DNAJC15: variants seen among roughly 807,000 people sequenced by gnomAD.
The protein encoded by DNAJC15 is dnaJ homolog subfamily C member 15.
In DNAJC15, 27 loss-of-function variants were observed where a neutral mutation model predicts 22.4. That is an observed-to-expected ratio of 1.20 (90% confidence interval 0.89 to 1.66). The LOEUF (loss-of-function observed/expected upper bound fraction) is 1.66, where lower values mean the gene tolerates loss of function less well. DNAJC15 is among the 40% of genes most tolerant of loss of function. The probability of loss-of-function intolerance (pLI) is 0.00; values close to 1 mark genes in which losing one functional copy is unlikely to be tolerated. For synonymous variants in DNAJC15, 79 were observed against 63.2 expected, an observed-to-expected ratio of 1.25 and a Z score of -1.19; for missense variants, 208 against 187.1, an observed-to-expected ratio of 1.11 and a Z score of -0.65.
intron 4 of DNAJC15, among the ~76,000 whole-genome samples, chr13:43,082,314 A>T (rs2040665796): frequency 6.6e-6 from 1 of 152,178 alleles, no homozygotes; most frequent in East Asian, 1.9e-4. Context: ...GTACCATCAT[A>T]TTTAAAGTTA....
chr13:43,043,119 A>G lies in DNAJC15; in HGVS notation c.108+19385A>G, dbSNP rs539735784. ...AAAAAGCTGCTTTTTAAATTTGTTTATTTTTATTTTTTTGAAAGGCTCTGT... is the reference window on the plus strand; with the variant it reads ...AAAAAGCTGCTTTTTAAATTTGTTTGTTTTTATTTTTTTGAAAGGCTCTGT... On this transcript the variant is annotated intron_variant, in intron 1 of 5. Coordinates refer to ENST00000379221, the MANE Select transcript of DNAJC15 (RefSeq NM_013238.3). Among the ~76,000 whole-genome samples, 20 of 152,142 alleles carry G rather than the reference A, an allele frequency of 1.3e-4. 1 individual carries two copies. Among genetic ancestry groups the G allele is most frequent in the Admixed American group, 1.3e-3 (20 of 15,278 alleles).
At position 43,053,624 on chromosome 13, in the gene DNAJC15, C is replaced by T. The variant is rs889327911; in HGVS notation, c.109-12062C>T. Among the ~76,000 whole-genome samples the T allele has an allele frequency of 2.0e-5, 3 of 151,958 alleles. No homozygotes were observed. In the South Asian group the frequency reaches 6.2e-4, roughly 31 times the overall value. The stretch of plus-strand genomic sequence containing the variant: ...TTTCCTTGTAGAGGTTTTTTACCTC[C>T]ATGGTTAGGTATATTCCTTTGTAAT... On this transcript the variant is annotated intron_variant, in intron 1 of 5. Coordinates refer to ENST00000379221, the MANE Select transcript of DNAJC15 (RefSeq NM_013238.3).
chr13:43,037,786 C>T (rs1270764918), intron 1 of DNAJC15, among the ~76,000 whole-genome samples: 2 of 152,132 alleles, frequency 1.3e-5, no homozygotes, highest in African/African-American at 4.8e-5. Flanking sequence ...AGTCATCATC[C>T]TCATTTTACA....
At position 43,077,863 on chromosome 13, in the gene DNAJC15, T is replaced by G. The variant is rs190776882; in HGVS notation, c.235-749T>G. Among the ~76,000 whole-genome samples the G allele has an allele frequency of 8.8e-4, 134 of 152,340 alleles. 3 individuals are homozygous for G. The highest frequency in any genetic ancestry group is 8.7e-3 in the Admixed American group (133 of 15,304). On this transcript the variant is annotated intron_variant, in intron 3 of 5. Coordinates refer to ENST00000379221, the MANE Select transcript of DNAJC15 (RefSeq NM_013238.3). ...CCAGAATCTAACCACTTTTATCACC[T>G]CCTCTGCTACCGCCTTAGTTCATAC...
intron 5 of DNAJC15, among the ~76,000 whole-genome samples, chr13:43,089,364 T>A (rs2040703805): frequency 6.6e-6 from 1 of 152,158 alleles, no homozygotes; most frequent in Non-Finnish European, 1.5e-5. Context: ...AAAAAATAAG[T>A]AAACCTATTT....
intron 5 of DNAJC15, among the ~76,000 whole-genome samples, chr13:43,100,488 C>T (rs1312633100): frequency 6.6e-6 from 1 of 152,108 alleles, no homozygotes; most frequent in Non-Finnish European, 1.5e-5. Flanking sequence ...GCTGGGATTA[C>T]AAGTGTGACC....
chr13:43,090,341 T>C (rs761274166), intron 5 of DNAJC15, among the ~76,000 whole-genome samples: 2 of 152,260 alleles, frequency 1.3e-5, no homozygotes, highest in Non-Finnish European at 2.9e-5. Context: ...TATCTGTTTG[T>C]TATACTTCTA....
intron 5 of DNAJC15, among the ~76,000 whole-genome samples, chr13:43,094,143 T>G (rs2040728440): frequency 2.0e-5 from 3 of 152,234 alleles, no homozygotes; most frequent in African/African-American, 4.8e-5. Context: ...CCAATGAACT[T>G]TCAAGGTCTA....
intron 1 of DNAJC15, among the ~76,000 whole-genome samples, chr13:43,028,090 T>C (rs1407715506): frequency 6.6e-6 from 1 of 152,184 alleles, no homozygotes; most frequent in Non-Finnish European, 1.5e-5. Flanking sequence ...TGGTAAACAT[T>C]CCAAAAAGAA....
At position 43,061,829 on chromosome 13, in the gene DNAJC15, G is replaced by A. The variant is rs60453380; in HGVS notation, c.109-3857G>A. 3.3e-3 allele frequency among the ~76,000 whole-genome samples: 506 copies of A among 152,364 alleles called. 3 individuals are homozygous for A. Among genetic ancestry groups the A allele is most frequent in the African/African-American group, 0.011 (468 of 41,584 alleles). On this transcript the variant is annotated intron_variant, in intron 1 of 5. Coordinates refer to ENST00000379221, the MANE Select transcript of DNAJC15 (RefSeq NM_013238.3). ...TTACATTTCCACATGAGATGTGAGT[G>A]TGGACAAATGTTTAAACTATAAGGA...
intron 2 of DNAJC15, 151 bp downstream of exon 2, chr13:43,065,888 A>G (rs1271887099): frequency 3.0e-6 from 2 of 660,592 alleles, no homozygotes; most frequent in East Asian, 5.3e-5. Flanking sequence ...GTTACTGAAC[A>G]TTTGTCATTG....
chr13:43,064,181 G>T (rs896733770), intron 1 of DNAJC15, among the ~76,000 whole-genome samples: 2 of 152,178 alleles, frequency 1.3e-5, no homozygotes, highest in Admixed American at 6.5e-5. Flanking sequence ...GAGAAGCCTA[G>T]AGGAAAGTCC....
At chr13:43,099,481 A>G (rs1006578568) in intron 5 of DNAJC15, among the ~76,000 whole-genome samples, 1 of 152,236 alleles carries the variant, frequency 6.6e-6, no homozygotes, top group African/African-American at 2.4e-5. Context: ...AAAAGCATCC[A>G]GTCTTCGCTC....
At chr13:43,057,071 C>A (rs530966038) in intron 1 of DNAJC15, among the ~76,000 whole-genome samples, 9 of 152,152 alleles carry the variant, frequency 5.9e-5, no homozygotes, top group Admixed American at 1.3e-4. Flanking sequence ...CTTTAGATAA[C>A]CTGTGTTTGT....
Position 43,108,571 on chromosome 13 carries a change from T to C in DNAJC15, c.*1323T>C, listed in dbSNP as rs950135310. The C allele has an allele frequency of 7.9e-5, 12 of 152,216 alleles. 1 individual carries two copies. The highest frequency in any genetic ancestry group is 1.2e-4 in the African/African-American group (5 of 41,466). 9.4% of individuals were successfully genotyped at this position (152,216 alleles called of 1,614,324 possible). A position where few individuals can be genotyped will look rare whatever the true frequency, so the allele number is the denominator to read the frequency against. ...TATCCTAGATGCATCTTTCAACTTCTAACATTCTGTAGTTTAGGAGTTCTC... is the reference window on the plus strand; with the variant it reads ...TATCCTAGATGCATCTTTCAACTTCCAACATTCTGTAGTTTAGGAGTTCTC... On this transcript the variant is annotated 3_prime_UTR_variant, in exon 6 of 6. Transcript: ENST00000379221.
At chr13:43,052,174 AG>A (rs752918256) in intron 1 of DNAJC15, among the ~76,000 whole-genome samples, 4 of 152,042 alleles carry the variant, frequency 2.6e-5, no homozygotes, top group Non-Finnish European at 5.9e-5. Flanking sequence ...CATATTGGCC[AG>A]GATGGTCTCG....
intron 1 of DNAJC15, among the ~76,000 whole-genome samples, chr13:43,048,984 A>AT (rs1354436110): frequency 2.1e-5 from 3 of 142,668 alleles, no homozygotes; most frequent in Non-Finnish European, 4.9e-5. Flanking sequence ...TTAAAAAAAA[A>AT]GCCTCATATG....
chr13:43,102,653 G>A (rs912408453), intron 5 of DNAJC15, among the ~76,000 whole-genome samples: 2 of 151,954 alleles, frequency 1.3e-5, no homozygotes, highest in African/African-American at 2.4e-5. Context: ...TATTAATGTG[G>A]TAAATTACAT....
At chr13:43,047,448 T>G (rs1014403976) in intron 1 of DNAJC15, among the ~76,000 whole-genome samples, 4 of 151,690 alleles carry the variant, frequency 2.6e-5, no homozygotes, top group Non-Finnish European at 5.9e-5. Context: ...TTCCCAGGAG[T>G]AAAGCAGAGA....
Sources: allele counts gnomAD v4.1 joint callset (sites outside exome capture counted in the v4.1 genomes callset), GRCh38; gene constraint gnomAD v4.1.1; transcripts MANE v1.5; gene names NCBI Gene and HGNC (gene_info 2026-07-23, HGNC 2026-07-21).